TENM3: variants seen among roughly 807,000 people sequenced by gnomAD.
TENM3 encodes the protein teneurin transmembrane protein 3.
TENM3 carries 63 observed loss-of-function variants against 255.1 expected under a neutral mutation model. That is an observed-to-expected ratio of 0.25 (90% CI 0.20 to 0.30). The LOEUF is 0.30. Among genes scored for constraint, TENM3 ranks in the 10% least tolerant of loss-of-function variants. The probability of loss-of-function intolerance (pLI) is 1.00; values close to 1 mark genes in which losing one functional copy is unlikely to be tolerated. For missense variants in TENM3, 2,929 were observed against 3,461.1 expected, an observed-to-expected ratio of 0.85 and a Z score of 3.86; for synonymous variants, 1,306 against 1,322.3, an observed-to-expected ratio of 0.99 and a Z score of 0.27.
At chr4:182,299,830 G>A (rs189830178) in intron 1 of TENM3, among the ~76,000 whole-genome samples, 142 of 152,044 alleles carry the variant, frequency 9.3e-4, no homozygotes, top group Non-Finnish European at 6.3e-4. Context: ...ATTAGGATGT[G>A]CCTTCCATTA....
chr4:182,771,575 G>A (rs957984402), intron 22 of TENM3, among the ~76,000 whole-genome samples: 2 of 151,688 alleles, frequency 1.3e-5, no homozygotes, highest in Admixed American at 6.6e-5. Context: ...TTTTTAACCC[G>A]ATAGCACGTT....
intron 7 of TENM3, among the ~76,000 whole-genome samples, chr4:182,674,931 C>T (rs987328971): frequency 2.0e-5 from 3 of 151,844 alleles, no homozygotes; most frequent in Admixed American, 6.6e-5. Context: ...GGCTGGAGTG[C>T]GATGGCATGA....
In TENM3 at chr4:182,475,258, C is replaced by T. The variant is rs189538523; in HGVS notation, c.512-125666C>T. On this transcript the variant is annotated intron_variant, in intron 3 of 27. Coordinates refer to ENST00000511685, the MANE Select transcript of TENM3 (RefSeq NM_001080477.4). ...TGTTAGATGCCTATGCCTAAGTTGC[C>T]GTCTTATTTGAAAGTTGGTTATTTT... Among the ~76,000 whole-genome samples, 8 of 151,946 alleles carry T rather than the reference C, an allele frequency of 5.3e-5. No homozygotes were observed. The East Asian group carries it at 9.7e-4, about 18-fold the overall frequency.
chr4:181,815,289 A>T, the TENM3 span, among the ~76,000 whole-genome samples: 1 of 150,038 alleles, frequency 6.7e-6, no homozygotes, highest in Non-Finnish European at 1.5e-5. Flanking sequence ...CCGTCTCTAC[A>T]AAAATACAAA....
the TENM3 span, among the ~76,000 whole-genome samples, chr4:181,764,158 T>C: frequency 6.6e-6 from 1 of 152,254 alleles, no homozygotes; most frequent in African/African-American, 2.4e-5. Flanking sequence ...TCATTTGTTA[T>C]GTCTTTTTAA....
chr4:181,961,027 T>G, the TENM3 span, among the ~76,000 whole-genome samples: 3 of 152,150 alleles, frequency 2.0e-5, no homozygotes, highest in African/African-American at 7.2e-5. Flanking sequence ...GCAAAGGGCC[T>G]GCTCAGAGAG....
At chr4:182,161,686 CACAA>C (rs1230558102) in intron 1 of TENM3, among the ~76,000 whole-genome samples, 9 of 109,732 alleles carry the variant, frequency 8.2e-5, no homozygotes, top group African/African-American at 3.1e-4. Context: ...TATATATATA[CACAA>C]ATATATATGT....
chr4:181,888,311 A>T, the TENM3 span, among the ~76,000 whole-genome samples: 2 of 151,450 alleles, frequency 1.3e-5, no homozygotes, highest in Non-Finnish European at 2.9e-5. Context: ...GGTTACAGGC[A>T]TGAGCCACTG....
the TENM3 span, among the ~76,000 whole-genome samples, chr4:181,526,928 G>A: frequency 6.6e-6 from 1 of 152,110 alleles, no homozygotes; most frequent in African/African-American, 2.4e-5. Context: ...TGTCCTTATA[G>A]TTCAGTTAGG....
chr4:181,485,626 AT>A, the TENM3 span, among the ~76,000 whole-genome samples: 1 of 152,186 alleles, frequency 6.6e-6, no homozygotes, highest in Admixed American at 6.5e-5. Context: ...CTGTTAAATC[AT>A]TCTAGGTAGG....
chr4:182,449,042 G>C, intron 3 of TENM3: 1 of 376,370 alleles, frequency 2.7e-6, no homozygotes, highest in Non-Finnish European at 5.4e-6. Flanking sequence ...GCAGCGCTGG[G>C]CTCGGTTCCT....
chr4:181,595,186 T>C, the TENM3 span, among the ~76,000 whole-genome samples: 4 of 151,952 alleles, frequency 2.6e-5, no homozygotes, highest in Admixed American at 1.3e-4. Flanking sequence ...ATCCCAGCAC[T>C]TTGAGAGGCT....
chr4:181,850,462 A>G, the TENM3 span, among the ~76,000 whole-genome samples: 6 of 152,120 alleles, frequency 3.9e-5, no homozygotes, highest in African/African-American at 1.4e-4. Flanking sequence ...TTGTTTGAAA[A>G]AGCCACATAG....
chr4:181,849,952 C>CACACACACACAA, the TENM3 span, among the ~76,000 whole-genome samples: 1 of 128,108 alleles, frequency 7.8e-6, no homozygotes, highest in Non-Finnish European at 1.6e-5. Context: ...CTCTCTCTCA[C>CACACACACACAA]ACACACACAC....
At chr4:181,569,634 G>A in the TENM3 span, among the ~76,000 whole-genome samples, 3 of 152,250 alleles carry the variant, frequency 2.0e-5, no homozygotes, top group South Asian at 6.2e-4. Context: ...TGTAAAAGTT[G>A]TATAGGCCCT....
chr4:182,202,592 A>G (rs1331282859), intron 1 of TENM3, among the ~76,000 whole-genome samples: 1 of 152,042 alleles, frequency 6.6e-6, no homozygotes, highest in African/African-American at 2.4e-5. Context: ...GTTGTGAGCC[A>G]CCACGCCTGG....
the TENM3 span, among the ~76,000 whole-genome samples, chr4:181,797,707 ATTAT>A: frequency 1.3e-5 from 2 of 152,132 alleles, no homozygotes; most frequent in African/African-American, 4.8e-5. Context: ...CTTCGCAGTG[ATTAT>A]TTATTTTCAG....
chr4:182,763,846 T>C (rs987052640), intron 22 of TENM3, among the ~76,000 whole-genome samples: 2 of 152,234 alleles, frequency 1.3e-5, no homozygotes, highest in Admixed American at 1.3e-4. Flanking sequence ...TTATTTATAA[T>C]TTAGAGCTAG....
chr4:181,986,404 T>C, the TENM3 span, among the ~76,000 whole-genome samples: 19 of 152,058 alleles, frequency 1.2e-4, no homozygotes, highest in Admixed American at 9.8e-4. Context: ...TTCAGTCTCT[T>C]CCAAGTGTTC....
Sources: allele counts gnomAD v4.1 joint callset (sites outside exome capture counted in the v4.1 genomes callset), GRCh38; gene constraint gnomAD v4.1.1; transcripts MANE v1.5; gene names NCBI Gene and HGNC (gene_info 2026-07-23, HGNC 2026-07-21).